Variants in FBXL18 observed in about 807,000 individuals in gnomAD.
FBXL18 encodes the protein F-box and leucine rich repeat protein 18, also known as F-box/LRR-repeat protein 18.
A neutral mutation model predicts 46.0 loss-of-function variants in FBXL18; 36 were observed. The ratio of observed to expected loss-of-function variants is 0.78; its 90% CI spans 0.60 to 1.03. The LOEUF is 1.03. Ranked by LOEUF, FBXL18 falls within the 50% of genes least tolerant of loss-of-function variation. The pLI, the probability that FBXL18 is intolerant of heterozygous loss-of-function variation, is 0.00. For missense variants in FBXL18, 977 were observed against 1,004.1 expected, an observed-to-expected ratio of 0.97 and a Z score of 0.36; for synonymous variants, 557 against 465.3, an observed-to-expected ratio of 1.20 and a Z score of -2.54.
In FBXL18 at chr7:5,496,750, G is replaced by T. The variant is rs1026886692; in HGVS notation, c.1781+3738C>A. On this transcript the variant is annotated intron_variant, in intron 3 of 4. Transcript: ENST00000382368. The surrounding 1 kb of genome is among the most constrained non-coding windows in gnomAD (Gnocchi z 4.8). ...TACAAAAAACTAGCCAGGCGGCCGG[G>T]CACAGTGGCTTACGCCTGTAATCCC... Among the ~76,000 whole-genome samples, 18 of 152,328 alleles carry T rather than the reference G, an allele frequency of 1.2e-4. No individual in the cohort carries two copies. Among genetic ancestry groups the T allele is most frequent in the African/African-American group, 4.3e-4 (18 of 41,566 alleles).
intron 4 of FBXL18, among the ~76,000 whole-genome samples, chr7:5,462,893 G>T (rs1216592492): frequency 7.1e-6 from 1 of 141,818 alleles, no homozygotes; most frequent in Non-Finnish European, 1.5e-5. Flanking sequence ...GGAGCTTGCA[G>T]TGAGCCAAGA....
intron 4 of FBXL18, among the ~76,000 whole-genome samples, chr7:5,461,449 C>G (rs957547385): frequency 6.6e-6 from 1 of 152,160 alleles, no homozygotes; most frequent in Non-Finnish European, 1.5e-5. Flanking sequence ...ACCACCTTTA[C>G]TTTTGCACCA....
At chr7:5,461,889 C>T (rs1041865986) in intron 4 of FBXL18, among the ~76,000 whole-genome samples, 17 of 151,898 alleles carry the variant, frequency 1.1e-4, no homozygotes, top group Admixed American at 3.3e-4. Context: ...TGCAGTGAGC[C>T]GAGATCATGC....
intron 4 of FBXL18, among the ~76,000 whole-genome samples, chr7:5,483,863 G>C (rs7806101): frequency 0.45 from 68,262 of 151,996 alleles, 15,586 homozygotes; most frequent in East Asian, 0.7. Flanking sequence ...AAGTCCCCCC[G>C]GCCACAGCGG....
intron 4 of FBXL18, among the ~76,000 whole-genome samples, chr7:5,458,232 T>A (rs1231187812): frequency 6.6e-6 from 1 of 152,012 alleles, no homozygotes; most frequent in Non-Finnish European, 1.5e-5. Flanking sequence ...GTCCACACTG[T>A]CCGTCAATAA....
chr7:5,487,910 G>T (rs1783818109), intron 4 of FBXL18, among the ~76,000 whole-genome samples: 1 of 152,252 alleles, frequency 6.6e-6, no homozygotes, highest in East Asian at 1.9e-4. Flanking sequence ...AGAGGGATGG[G>T]CACGGCTTCT....
intron 2 of FBXL18, 48 bp downstream of exon 2, chr7:5,505,364 G>C: frequency 6.4e-7 from 1 of 1,561,830 alleles, no homozygotes; most frequent in Non-Finnish European, 8.8e-7. Flanking sequence ...AGTCCTCAAA[G>C]ACTGAGATCT....
In FBXL18 at chr7:5,513,804, A is replaced by C. The variant is rs1584253380; in HGVS notation, c.-130T>G. On this transcript the variant is annotated 5_prime_UTR_variant, in exon 1 of 5. Transcript: ENST00000382368. Reference sequence around the variant, plus strand: ...CCCCGGCAAGGAGCGGGCTCTCGTCACTTCCGGCGCCCGCCTACACGCACT... The same window carrying C: ...CCCCGGCAAGGAGCGGGCTCTCGTCCCTTCCGGCGCCCGCCTACACGCACT... 1.5e-6 allele frequency: 2 copies of C among 1,309,894 alleles called. No individual in the cohort carries two copies. The highest frequency in any genetic ancestry group is 1.4e-5 in the South Asian group (1 of 69,442). The allele number at this position is 1,309,894 out of a possible 1,614,324, so 81.1% of individuals were successfully genotyped here. A position where few individuals can be genotyped will look rare whatever the true frequency, so the allele number is the denominator to read the frequency against.
At chr7:5,494,449 A>C (rs1163140861) in intron 3 of FBXL18, among the ~76,000 whole-genome samples, 1 of 152,044 alleles carries the variant, frequency 6.6e-6, no homozygotes, top group Admixed American at 6.5e-5. Context: ...AAAATAAATA[A>C]ATAAAATTAA....
chr7:5,456,425 T>G (rs1452289556), intron 4 of FBXL18, among the ~76,000 whole-genome samples: 1 of 152,134 alleles, frequency 6.6e-6, no homozygotes, highest in Non-Finnish European at 1.5e-5. Flanking sequence ...CAGAAACCCC[T>G]CATCTCACGC....
intron 2 of FBXL18, 28 bp downstream of exon 2, chr7:5,505,384 C>G: frequency 1.9e-6 from 3 of 1,603,396 alleles, no homozygotes; most frequent in Non-Finnish European, 1.7e-6. Context: ...TAGCTTGTTT[C>G]TCATCTCCTG....
At chr7:5,466,396 C>T (rs1783341338) in intron 4 of FBXL18, among the ~76,000 whole-genome samples, 2 of 152,180 alleles carry the variant, frequency 1.3e-5, no homozygotes, top group South Asian at 4.1e-4. Flanking sequence ...TGGCCTTTGC[C>T]AGCTTCTAGA....
downstream of FBXL18, among the ~76,000 whole-genome samples, chr7:5,472,552 GGGCCACA>G (rs1783443991): frequency 4.6e-5 from 7 of 151,714 alleles, no homozygotes; most frequent in African/African-American, 1.7e-4. Flanking sequence ...CCACATGGAG[GGGCCACA>G]TGGAGAGGCC....
At chr7:5,509,572 C>T (rs1784476870) in intron 1 of FBXL18, among the ~76,000 whole-genome samples, 1 of 151,784 alleles carries the variant, frequency 6.6e-6, no homozygotes, top group Non-Finnish European at 1.5e-5. Flanking sequence ...GGGCTACTGT[C>T]CACAGCAACT....
At chr7:5,456,920 T>G (rs1378615407) in intron 4 of FBXL18, among the ~76,000 whole-genome samples, 1 of 152,194 alleles carries the variant, frequency 6.6e-6, no homozygotes. Context: ...CACGCCACCA[T>G]GCCTAGCTAA....
Position 5,480,901 on chromosome 7 carries a change from G to C in FBXL18, c.*874C>G, listed in dbSNP as rs2128233684. On this transcript the variant is annotated 3_prime_UTR_variant, in exon 5 of 5. Transcript: ENST00000382368. ...TCTTAAATGAAGTCATTTGAAATGG[G>C]GTCATGTGATTGCTACTCCAGCCTT... The C allele has an allele frequency of 6.6e-6, 1 of 152,162 alleles. No homozygotes were observed. Among genetic ancestry groups the C allele is most frequent in the Non-Finnish European group, 1.5e-5 (1 of 68,000 alleles). 9.4% of individuals were successfully genotyped at this position (152,162 alleles called of 1,614,324 possible).
chr7:5,474,517 C>T (rs1004645947), downstream of FBXL18, among the ~76,000 whole-genome samples: 10 of 151,552 alleles, frequency 6.6e-5, no homozygotes, highest in South Asian at 2.1e-4. Flanking sequence ...GGTCTGACTA[C>T]GTTGCCCAGG....
intron 4 of FBXL18, among the ~76,000 whole-genome samples, chr7:5,487,046 T>A (rs1034732733): frequency 6.6e-6 from 1 of 152,210 alleles, no homozygotes; most frequent in Non-Finnish European, 1.5e-5. Context: ...TGCGGCCGGT[T>A]CCCGGGAGCC....
In FBXL18 at chr7:5,478,900, G is replaced by C. The variant is rs1225801878; in HGVS notation, c.*2875C>G. 1 of 152,302 alleles carries C rather than the reference G, an allele frequency of 6.6e-6. No individual in the cohort carries two copies. Among genetic ancestry groups the C allele is most frequent in the Admixed American group, 6.5e-5 (1 of 15,292 alleles). 9.4% of individuals were successfully genotyped at this position (152,302 alleles called of 1,614,324 possible). On this transcript the variant is annotated 3_prime_UTR_variant, in exon 5 of 5. Coordinates refer to ENST00000382368, the MANE Select transcript of FBXL18 (RefSeq NM_024963.6). ...AGGCACGGGGACAAGTGCTGACCAC[G>C]CTCCTCCAGCAGGCAGCATATGGTC... is the stretch of plus-strand genomic sequence containing the variant.
Sources: gnomAD v4.1 joint callset for allele counts (sites outside exome capture counted in the v4.1 genomes callset) on GRCh38, gnomAD v4.1.1 for gene constraint, Gnocchi (gnomAD v3.1) non-coding constraint, MANE v1.5 for transcripts, NCBI Gene and HGNC (gene_info 2026-07-23, HGNC 2026-07-21) for gene names.